TEX9: variants seen among roughly 807,000 people sequenced by gnomAD.
TEX9 encodes testis expressed 9, also known as testis-expressed protein 9.
TEX9 carries 74 observed loss-of-function variants against 59.6 expected under a neutral mutation model. The observed-to-expected ratio is 1.24, with a 90% confidence interval of 1.03 to 1.51. The LOEUF is 1.51. Among genes scored for constraint, TEX9 ranks in the 40% most tolerant of loss-of-function variants. TEX9 has a pLI of 0.00. For synonymous variants in TEX9, 186 were observed against 152.2 expected (o/e 1.22, Z -1.64); for missense variants, 522 against 447.8 (o/e 1.17, Z -1.49).
intron 1 of TEX9, among the ~76,000 whole-genome samples, chr15:56,259,462 T>TAAA (rs2044216059): frequency 6.6e-6 from 1 of 152,100 alleles, no homozygotes; most frequent in South Asian, 2.1e-4. Context: ...TTAAAGTCTG[T>TAAA]TTCATGTGAA....
intron 12 of TEX9, chr15:56,444,531 T>A: frequency 6.2e-7 from 1 of 1,612,786 alleles, no homozygotes; most frequent in South Asian, 1.1e-5. Context: ...CTGCTTTTTT[T>A]TTTCTTGTTC....
intron 1 of TEX9, among the ~76,000 whole-genome samples, chr15:56,342,802 T>G (rs1428043083): frequency 2.0e-5 from 3 of 152,090 alleles, no homozygotes; most frequent in Non-Finnish European, 4.4e-5. Flanking sequence ...AGAGAGAAAA[T>G]GGAATCTCTC....
At chr15:56,267,110 T>G (rs1158572486) in intron 1 of TEX9, among the ~76,000 whole-genome samples, 1 of 152,222 alleles carries the variant, frequency 6.6e-6, no homozygotes, top group African/African-American at 2.4e-5. Context: ...GTCTGTTCAC[T>G]GTATAAATGT....
chr15:56,419,337 G>A (rs988331821), intron 10 of TEX9, among the ~76,000 whole-genome samples: 1 of 151,710 alleles, frequency 6.6e-6, no homozygotes, highest in African/African-American at 2.4e-5. Flanking sequence ...CTTTGGCTTT[G>A]TGGGCTACAT....
chr15:56,430,766 T>TC (rs2050567798), intron 12 of TEX9, among the ~76,000 whole-genome samples: 1 of 152,184 alleles, frequency 6.6e-6, no homozygotes, highest in Non-Finnish European at 1.5e-5. Flanking sequence ...TTACTGGTGT[T>TC]ACCAGTGACA....
At chr15:56,425,335 T>A (rs981503605) in intron 10 of TEX9, among the ~76,000 whole-genome samples, 1 of 152,172 alleles carries the variant, frequency 6.6e-6, no homozygotes, top group Admixed American at 6.6e-5. Flanking sequence ...TCCTTTTCTA[T>A]CTAAGATTAC....
upstream of TEX9, among the ~76,000 whole-genome samples, chr15:56,363,779 C>T (rs2046836769): frequency 6.6e-6 from 1 of 151,768 alleles, no homozygotes; most frequent in Admixed American, 6.6e-5. Context: ...GATCCTCCCA[C>T]CTCAGTCTCC....
At chr15:56,426,896 C>T (rs2050309821) in intron 10 of TEX9, among the ~76,000 whole-genome samples, 1 of 151,828 alleles carries the variant, frequency 6.6e-6, no homozygotes, top group African/African-American at 2.4e-5. Context: ...TGGTCTCCCG[C>T]TTGTCATGGG....
chr15:56,259,486 C>T (rs947881610), intron 1 of TEX9, among the ~76,000 whole-genome samples: 1 of 151,846 alleles, frequency 6.6e-6, no homozygotes, highest in Non-Finnish European at 1.5e-5. Context: ...TTTAATTGCT[C>T]CAGCATCATT....
chr15:56,449,806 A>G (rs1385043757), downstream of TEX9, among the ~76,000 whole-genome samples: 1 of 152,164 alleles, frequency 6.6e-6, no homozygotes, highest in African/African-American at 2.4e-5. Context: ...GAATTTATCT[A>G]TTTCATTTAC....
intron 1 of TEX9, among the ~76,000 whole-genome samples, chr15:56,303,001 C>T (rs752602436): frequency 5.9e-5 from 9 of 152,102 alleles, no homozygotes; most frequent in Non-Finnish European, 1.3e-4. Context: ...AATTCAACAA[C>T]AGGATATAAC....
At chr15:56,382,435 T>C (rs2047773647) in intron 3 of TEX9, among the ~76,000 whole-genome samples, 1 of 152,172 alleles carries the variant, frequency 6.6e-6, no homozygotes, top group African/African-American at 2.4e-5. Context: ...AAGGAGTCTT[T>C]CACTGTAGCC....
chr15:56,275,978 C>G (rs1277443256), intron 1 of TEX9, among the ~76,000 whole-genome samples: 22 of 152,066 alleles, frequency 1.4e-4, no homozygotes, highest in African/African-American at 5.1e-4. Context: ...TTGCCTTTGG[C>G]TTCCAAAAAT....
chr15:56,302,585 A>T (rs1204255234), intron 1 of TEX9, among the ~76,000 whole-genome samples: 5 of 152,102 alleles, frequency 3.3e-5, no homozygotes, highest in Non-Finnish European at 7.4e-5. Context: ...AAGAAAGTAA[A>T]ACATACTGCC....
rs531765371 is a variant in TEX9, at chr15:56,390,082, CT to C, written c.395+693del. Among the ~76,000 whole-genome samples the C allele has an allele frequency of 5.7e-3, 828 of 145,220 alleles. 6 individuals are homozygous for C. Among genetic ancestry groups the C allele is most frequent in the African/African-American group, 0.016 (621 of 39,884 alleles). On this transcript the variant is annotated intron_variant, in intron 6 of 12. Transcript: ENST00000352903. ...TTTTGTGTCTTAATTGTTTAAATAACTTTTTTTTTTTAATAAAAGGGATGGA... is the reference window on the plus strand; with the variant it reads ...TTTTGTGTCTTAATTGTTTAAATAACTTTTTTTTTTAATAAAAGGGATGGA...
chr15:56,443,322 A>G, intron 12 of TEX9: 2 of 760,438 alleles, frequency 2.6e-6, no homozygotes, highest in East Asian at 5.8e-5. Flanking sequence ...ATTTACATAT[A>G]ATGTAATTAC....
chr15:56,373,571 T>C, intron 3 of TEX9, 67 bp downstream of exon 3: 1 of 1,318,326 alleles, frequency 7.6e-7, no homozygotes, highest in Non-Finnish European at 1.0e-6. Flanking sequence ...TCATTTGATA[T>C]ATGACATATA....
the TEX9 span, among the ~76,000 whole-genome samples, chr15:56,456,955 C>T: frequency 1.3e-5 from 2 of 152,114 alleles, no homozygotes; most frequent in Non-Finnish European, 2.9e-5. Flanking sequence ...GTCATCAACA[C>T]GTCTAATTAA....
intron 1 of TEX9, among the ~76,000 whole-genome samples, chr15:56,257,167 T>C (rs1159225002): frequency 6.6e-6 from 1 of 152,192 alleles, no homozygotes; most frequent in Non-Finnish European, 1.5e-5. Flanking sequence ...ATGTACTACA[T>C]TTTCTTTACC....
Sources: gnomAD v4.1 joint callset for allele counts (sites outside exome capture counted in the v4.1 genomes callset) on GRCh38, gnomAD v4.1.1 for gene constraint, MANE v1.5 for transcripts, NCBI Gene and HGNC (gene_info 2026-07-23, HGNC 2026-07-21) for gene names.